Variants in EVC2 observed in about 807,000 individuals in gnomAD.
EVC2 encodes EvC ciliary complex subunit 2, also known as limbin.
A neutral mutation model predicts 149.3 loss-of-function variants in EVC2; 148 were observed. The ratio of observed to expected loss-of-function variants is 0.99; its 90% CI spans 0.87 to 1.14. The LOEUF (loss-of-function observed/expected upper bound fraction) is 1.14, where lower values mean the gene tolerates loss of function less well. Among genes scored for constraint, EVC2 ranks in the 50% most tolerant of loss-of-function variants. The pLI, the probability that EVC2 is intolerant of heterozygous loss-of-function variation, is 0.00. For missense variants in EVC2, 1,854 were observed against 1,627.3 expected, an observed-to-expected ratio of 1.14 and a Z score of -2.40; for synonymous variants, 776 against 649.9, an observed-to-expected ratio of 1.19 and a Z score of -2.95.
At chr4:5,629,030 C>T (rs1446892977) in intron 11 of EVC2, among the ~76,000 whole-genome samples, 1 of 152,174 alleles carries the variant, frequency 6.6e-6, no homozygotes, top group Non-Finnish European at 1.5e-5. Flanking sequence ...TATCCTTCAT[C>T]CATGCACGCT....
At chr4:5,708,074 C>T in intron 1 of EVC2, 3 of 435,024 alleles carry the variant, frequency 6.9e-6, no homozygotes, top group Non-Finnish European at 1.2e-5. Flanking sequence ...TCCAAGCCGG[C>T]AGCTGCCACA....
Position 5,640,805 on chromosome 4 carries a change from T to C in EVC2, c.1179A>G (p.Ala393=). The C allele has an allele frequency of 1.2e-6, 2 of 1,614,206 alleles. No homozygotes were observed. Among genetic ancestry groups the C allele is most frequent in the Non-Finnish European group, 1.7e-6 (2 of 1,180,038 alleles). Residue 393 remains alanine (A), a synonymous_variant, in exon 10 of 22, where the codon GCA becomes GCG. Coordinates refer to ENST00000344408, the MANE Select transcript of EVC2 (RefSeq NM_147127.5). This position sits in a 1 kb window ranked among gnomAD's most constrained non-coding sequence, Gnocchi z 4.6. ...LEIATLNRAD[A]DLEACRTQIS... ...TTTGTGTTCGACAAGCCTCCAGATC[T>C]GCATCTGCCCGATTCAGGGTTGCAA...
rs1722961074 is a variant in EVC2 at position 5,576,757 on chromosome 4, A to G, written c.3058-303T>C. On this transcript the variant is annotated intron_variant, in intron 17 of 21. Coordinates refer to ENST00000344408, the MANE Select transcript of EVC2 (RefSeq NM_147127.5). The surrounding 1 kb of genome is among the most constrained non-coding windows in gnomAD (Gnocchi z 4.5). ...GAAACTCCTTGGTGAAGGGCTCCTC[A>G]GCGAAAGGATCCCTGAGTTCCTTGG... is the stretch of plus-strand genomic sequence containing the variant. 6.6e-6 allele frequency among the ~76,000 whole-genome samples: 1 copy of G among 152,184 alleles called. No individual in the cohort carries two copies. Among genetic ancestry groups the G allele is most frequent in the South Asian group, 2.1e-4 (1 of 4,826 alleles).
intron 8 of EVC2, 36 bp downstream of exon 8, chr4:5,665,479 T>C (rs1448824437): frequency 6.2e-7 from 1 of 1,613,486 alleles, no homozygotes; most frequent in East Asian, 2.2e-5. Flanking sequence ...AACCTCACAT[T>C]CACCACCTTC....
intron 19 of EVC2, among the ~76,000 whole-genome samples, chr4:5,574,149 C>A (rs947993319): frequency 4.6e-5 from 7 of 152,214 alleles, no homozygotes; most frequent in Non-Finnish European, 1.0e-4. Context: ...GGAAGCCCAT[C>A]GCAGGATGCG....
Position 5,633,163 on chromosome 4 carries a change from G to A in EVC2, c.1471-1131C>T, listed in dbSNP as rs534230324. Among the ~76,000 whole-genome samples, 6 of 152,162 alleles carry A rather than the reference G, an allele frequency of 3.9e-5. No individual in the cohort carries two copies. The highest frequency in any genetic ancestry group is 7.2e-5 in the African/African-American group (3 of 41,432). ...AACAGCCAGGCTGTAAACTGTCTCC[G>A]CAGAAGGGAAACTTCTAGGAGCTGA... On this transcript the variant is annotated intron_variant, in intron 10 of 21. Coordinates refer to ENST00000344408, the MANE Select transcript of EVC2 (RefSeq NM_147127.5). This position sits in a 1 kb window ranked among gnomAD's most constrained non-coding sequence, Gnocchi z 4.4.
At chr4:5,665,404 C>T in intron 8 of EVC2, 111 bp downstream of exon 8, 26 of 1,538,544 alleles carry the variant, frequency 1.7e-5, no homozygotes, top group Non-Finnish European at 2.2e-5. Flanking sequence ...TTTTTGTGCA[C>T]AGCTCCCTCA....
intron 16 of EVC2, among the ~76,000 whole-genome samples, chr4:5,585,686 A>G (rs1367198186): frequency 6.6e-6 from 1 of 151,976 alleles, no homozygotes; most frequent in Admixed American, 6.6e-5. Context: ...CCCCTATGAA[A>G]CCATCGCCAC....
intron 9 of EVC2, among the ~76,000 whole-genome samples, chr4:5,658,674 C>T (rs979246120): frequency 3.9e-5 from 6 of 152,318 alleles, no homozygotes; most frequent in East Asian, 1.9e-4. Flanking sequence ...AAAAGCTGTT[C>T]GGTCAGTAGA....
chr4:5,592,864 A>T (rs550413279), intron 16 of EVC2, among the ~76,000 whole-genome samples: 3 of 152,142 alleles, frequency 2.0e-5, no homozygotes, highest in African/African-American at 7.2e-5. Context: ...AAGGGATGTG[A>T]TATGGTTTGG....
chr4:5,555,947 A>C lies in EVC2; in HGVS notation c.3419+9311T>G, dbSNP rs188329944. 6.6e-5 allele frequency among the ~76,000 whole-genome samples: 10 copies of C among 152,258 alleles called. 1 individual carries two copies. The highest frequency in any genetic ancestry group is 6.5e-4 in the Admixed American group (10 of 15,282). On this transcript the variant is annotated intron_variant and NMD_transcript_variant, in intron 21 of 22. Coordinates refer to the EVC2 transcript ENST00000475313. ...GTAATCCCAGCACTTTGGGAGGCTG[A>C]GGCAGGCGGATCACGAGGTCAGGAG...
chr4:5,612,076 T>C (rs1249944647), intron 16 of EVC2, among the ~76,000 whole-genome samples: 2 of 152,218 alleles, frequency 1.3e-5, no homozygotes, highest in East Asian at 3.8e-4. Flanking sequence ...ATATACTCTT[T>C]TAAATTGGAA....
chr4:5,683,196 T>C (rs1308648320), intron 6 of EVC2, among the ~76,000 whole-genome samples: 1 of 152,234 alleles, frequency 6.6e-6, no homozygotes, highest in Non-Finnish European at 1.5e-5. Flanking sequence ...GAGGCATTCA[T>C]TCCCTTGGCC....
At chr4:5,587,435 C>T (rs1485346046) in intron 16 of EVC2, among the ~76,000 whole-genome samples, 4 of 152,224 alleles carry the variant, frequency 2.6e-5, no homozygotes, top group African/African-American at 4.8e-5. Flanking sequence ...TGTATCAAAA[C>T]TTCATTTCCT....
intron 11 of EVC2, among the ~76,000 whole-genome samples, chr4:5,629,567 T>C (rs1716376544): frequency 6.6e-6 from 1 of 152,204 alleles, no homozygotes; most frequent in Admixed American, 6.5e-5. Flanking sequence ...ACCCATACAA[T>C]GGATAACCAA....
At chr4:5,704,823 A>T (rs1372786473) in intron 1 of EVC2, among the ~76,000 whole-genome samples, 1 of 152,012 alleles carries the variant, frequency 6.6e-6, no homozygotes, top group East Asian at 1.9e-4. Flanking sequence ...TTCCTGCCTC[A>T]GCCTCCTGAA....
intron 16 of EVC2, among the ~76,000 whole-genome samples, chr4:5,591,512 C>G (rs1171367218): frequency 6.6e-6 from 1 of 152,154 alleles, no homozygotes; most frequent in Admixed American, 6.5e-5. Context: ...CAGACCCCTG[C>G]AGAGGTGCAG....
At chr4:5,661,266 T>A (rs1488744120) in intron 9 of EVC2, among the ~76,000 whole-genome samples, 1 of 152,194 alleles carries the variant, frequency 6.6e-6, no homozygotes, top group African/African-American at 2.4e-5. Flanking sequence ...AATCATCAGA[T>A]ATAACCAAAT....
At chr4:5,539,071 C>A (rs978948119), downstream of EVC2, among the ~76,000 whole-genome samples, 2 of 152,040 alleles carry the variant, frequency 1.3e-5, no homozygotes, top group Non-Finnish European at 2.9e-5. Flanking sequence ...CACAAAAAAG[C>A]CACTAAAGCT....
Sources: allele counts gnomAD v4.1 joint callset (sites outside exome capture counted in the v4.1 genomes callset), GRCh38; gene constraint gnomAD v4.1.1; non-coding constraint Gnocchi (gnomAD v3.1); transcripts MANE v1.5; gene names NCBI Gene and HGNC (gene_info 2026-07-23, HGNC 2026-07-21).